The following LRRC42 variants were observed in gnomAD, a reference collection of about 807,000 sequenced individuals.
LRRC42 encodes leucine-rich repeat-containing protein 42.
A neutral mutation model predicts 44.3 loss-of-function variants in LRRC42; 43 were observed. The observed-to-expected ratio is 0.97, with a 90% CI of 0.76 to 1.25. LRRC42 has a LOEUF of 1.25. Ranked by LOEUF, LRRC42 falls within the 50% of genes most tolerant of loss-of-function variation. The pLI is 0.00. For missense variants in LRRC42, 540 were observed against 509.1 expected, an observed-to-expected ratio of 1.06 and a Z score of -0.58; for synonymous variants, 207 against 195.2, an observed-to-expected ratio of 1.06 and a Z score of -0.50.
intron 7 of LRRC42, 57 bp downstream of exon 7, chr1:53,962,466 G>C: frequency 9.4e-7 from 1 of 1,065,424 alleles, no homozygotes; most frequent in Non-Finnish European, 1.5e-6. Context: ...AATTCCAAGT[G>C]TCTTATCCAA....
chr1:53,962,079 T>C lies in LRRC42; in HGVS notation c.770T>C (p.Phe257Ser). The C allele has an allele frequency of 6.2e-7, 1 of 1,614,116 alleles. No homozygotes were observed. Among genetic ancestry groups the C allele is most frequent in the South Asian group, 1.1e-5 (1 of 91,076 alleles). Reference sequence around the variant, plus strand: ...GCAGGCATTGGATACCTCTTTTCTTTTAGGAAACTAAACTGCTTAGATATC... The same window carrying C: ...GCAGGCATTGGATACCTCTTTTCTTCTAGGAAACTAAACTGCTTAGATATC... ...TDAGIGYLFS[F>S]RKLNCLDISG... is the part of the protein sequence containing the mutation. The change falls in exon 6 of 9, where the codon TTT becomes TCT. Residue 257 changes from phenylalanine to serine, a missense_variant. Physicochemically the swap from Phe to Ser is radical, Grantham distance 155. Coordinates refer to ENST00000371370, the MANE Select transcript of LRRC42 (RefSeq NM_001256409.2).
At chr1:53,949,643 G>T (rs1654619132) in intron 2 of LRRC42, among the ~76,000 whole-genome samples, 1 of 152,196 alleles carries the variant, frequency 6.6e-6, no homozygotes. Flanking sequence ...AATAAATGAG[G>T]TGTCTCCTTA....
rs746052008 is a variant in LRRC42 at position 53,962,385 on chromosome 1, C to T, written c.903C>T (p.Cys301=). ...TGAAGGAATTTGATCATAGTAACTGCAAGACAGAGGGCTGGGCTGACCAGG... is the reference window on the plus strand; with the variant it reads ...TGAAGGAATTTGATCATAGTAACTGTAAGACAGAGGGCTGGGCTGACCAGG... ...VPLKEFDHSN[C]KTEGWADQIV... is the part of the protein sequence containing the mutation. Residue 301 remains cysteine (C), a synonymous_variant, in exon 7 of 9, where the codon TGC becomes TGT. Coordinates refer to ENST00000371370, the MANE Select transcript of LRRC42 (RefSeq NM_001256409.2). The T allele has an allele frequency of 4.3e-6, 7 of 1,613,064 alleles. No homozygotes were observed. The highest frequency in any genetic ancestry group is 1.6e-4 in the Middle Eastern group (1 of 6,078).
At chr1:53,948,267 C>G (rs1654582513) in intron 2 of LRRC42, among the ~76,000 whole-genome samples, 1 of 152,034 alleles carries the variant, frequency 6.6e-6, no homozygotes, top group Admixed American at 6.6e-5. Flanking sequence ...ACAATTTTAC[C>G]CTGTGGGCTC....
chr1:53,950,270 G>A (rs1331566447), intron 2 of LRRC42, among the ~76,000 whole-genome samples: 1 of 152,238 alleles, frequency 6.6e-6, no homozygotes, highest in Admixed American at 6.5e-5. Flanking sequence ...ACGAGCAATG[G>A]CCAGTGGGAC....
chr1:53,952,790 C>CG (rs1248002119), intron 3 of LRRC42, among the ~76,000 whole-genome samples: 2 of 152,144 alleles, frequency 1.3e-5, no homozygotes, highest in Non-Finnish European at 2.9e-5. Flanking sequence ...TCTCTTGATA[C>CG]GCTCTTACAG....
intron 5 of LRRC42, 140 bp downstream of exon 5, chr1:53,960,614 G>A (rs1163891486): frequency 4.7e-6 from 3 of 640,662 alleles, no homozygotes; most frequent in Non-Finnish European, 8.0e-6. Flanking sequence ...TGGCAGAACA[G>A]GATTGAGGCC....
chr1:53,959,065 T>TA (rs1654926796), intron 4 of LRRC42, among the ~76,000 whole-genome samples: 4 of 152,026 alleles, frequency 2.6e-5, no homozygotes, highest in Admixed American at 6.6e-5. Flanking sequence ...GTACTTTTAG[T>TA]AGAGACGGGG....
intron 7 of LRRC42, among the ~76,000 whole-genome samples, chr1:53,963,062 C>G (rs898928155): frequency 6.6e-6 from 1 of 152,070 alleles, no homozygotes; most frequent in Non-Finnish European, 1.5e-5. Context: ...TGGCTGGGGC[C>G]TTTCTCCCTT....
At position 53,952,477 on chromosome 1, in the gene LRRC42, GT is replaced by G; in HGVS notation, c.473+6del. ...CTCCCTGTGTTTGCGAAACAGGTGGGTGTTCTGATTAGATTATTCGGTATTT... is the reference window on the plus strand; with the variant it reads ...CTCCCTGTGTTTGCGAAACAGGTGGGGTTCTGATTAGATTATTCGGTATTT... On this transcript the variant is annotated splice_donor_region_variant and intron_variant, in intron 3 of 8. Transcript: ENST00000371370. 6.3e-7 allele frequency: 1 copy of G among 1,585,628 alleles called. No homozygotes were observed. The highest frequency in any genetic ancestry group is 8.6e-7 in the Non-Finnish European group (1 of 1,161,606).
At position 53,949,069 on chromosome 1, in the gene LRRC42, T is replaced by C. The variant is rs116666913; in HGVS notation, c.-15+1248T>C. ...CCTCATTTAGAAAGATAAGTGGTAT[T>C]TGGTGGGTAATCTAAAGAAAAACAA... On this transcript the variant is annotated intron_variant, in intron 2 of 8. Transcript: ENST00000371370. 4.8e-3 allele frequency among the ~76,000 whole-genome samples: 737 copies of C among 152,250 alleles called. 5 individuals carry two copies. The highest frequency in any genetic ancestry group is 0.017 in the Middle Eastern group (5 of 294).
At chr1:53,957,188 G>C (rs1016624984) in intron 3 of LRRC42, among the ~76,000 whole-genome samples, 2 of 152,186 alleles carry the variant, frequency 1.3e-5, no homozygotes, top group African/African-American at 2.4e-5. Context: ...ATGGAAGAGA[G>C]GTATGTACTC....
chr1:53,962,541 G>T, intron 7 of LRRC42, 132 bp downstream of exon 7: 1 of 666,606 alleles, frequency 1.5e-6, no homozygotes. Flanking sequence ...ATGTCAAATT[G>T]GAGACACTGA....
intron 3 of LRRC42, among the ~76,000 whole-genome samples, chr1:53,955,528 C>G (rs935918342): frequency 1.4e-4 from 22 of 151,900 alleles, no homozygotes; most frequent in Non-Finnish European, 2.9e-4. Context: ...GAACTGCTGA[C>G]CTCAAGTGAT....
At chr1:53,963,667 G>T (rs541822583) in intron 7 of LRRC42, among the ~76,000 whole-genome samples, 1 of 152,314 alleles carries the variant, frequency 6.6e-6, no homozygotes, top group Admixed American at 6.5e-5. Flanking sequence ...TGGCAGCAGT[G>T]CTTTGCCTAT....
At chr1:53,953,436 C>T (rs1025305557) in intron 3 of LRRC42, among the ~76,000 whole-genome samples, 1 of 152,184 alleles carries the variant, frequency 6.6e-6, no homozygotes. Context: ...TCAGCTCTCA[C>T]TGCAACCTCC....
At chr1:53,949,128 T>C (rs1234751451) in intron 2 of LRRC42, among the ~76,000 whole-genome samples, 4 of 152,196 alleles carry the variant, frequency 2.6e-5, no homozygotes, top group African/African-American at 9.6e-5. Context: ...TGTGCCTTTT[T>C]TTTGAAAATG....
intron 8 of LRRC42, among the ~76,000 whole-genome samples, chr1:53,967,238 T>C (rs187034786): frequency 6.6e-6 from 1 of 152,388 alleles, no homozygotes; most frequent in African/African-American, 2.4e-5. Context: ...GCTATTTGGC[T>C]CTTAGAGTCA....
Position 53,958,276 on chromosome 1 carries a change from T to C in LRRC42, c.601T>C (p.Ser201Pro). ...AGAACATCTCACCAATGAAGCCCTG[T>C]CTAGGTACTGACCTGTCACCACTTG... ...LLEHLTNEAL[S>P]SVTQLHLKDN... The change falls in exon 4 of 9, where the codon TCT becomes CCT. Residue 201 changes from serine to proline, a missense_variant. Transcript: ENST00000371370. 1 of 1,613,580 alleles carries C rather than the reference T, an allele frequency of 6.2e-7. No homozygotes were observed. Among genetic ancestry groups the C allele is most frequent in the South Asian group, 1.1e-5 (1 of 91,048 alleles).
Sources: gnomAD v4.1 joint callset for allele counts (sites outside exome capture counted in the v4.1 genomes callset) on GRCh38, gnomAD v4.1.1 for gene constraint, MANE v1.5 for transcripts, NCBI Gene and HGNC (gene_info 2026-07-23, HGNC 2026-07-21) for gene names.